Variants in MAST4 observed in about 807,000 individuals in gnomAD.
The protein encoded by MAST4 is microtubule-associated serine/threonine-protein kinase 4.
A neutral mutation model predicts 162.7 loss-of-function variants in MAST4; 89 were observed. That is an observed-to-expected ratio of 0.55 (90% CI 0.46 to 0.65). The LOEUF is 0.65. Among genes scored for constraint, MAST4 ranks in the 30% least tolerant of loss-of-function variants. The probability of loss-of-function intolerance (pLI) is 0.00; values close to 1 mark genes in which losing one functional copy is unlikely to be tolerated. For synonymous variants in MAST4, 1,479 were observed against 1,361.1 expected, an observed-to-expected ratio of 1.09 and a Z score of -1.91; for missense variants, 3,153 against 3,374.0, an observed-to-expected ratio of 0.93 and a Z score of 1.62.
intron 4 of MAST4, among the ~76,000 whole-genome samples, chr5:67,016,185 T>A (rs954909494): frequency 1.3e-5 from 2 of 152,280 alleles, no homozygotes; most frequent in Admixed American, 6.5e-5. Flanking sequence ...CAGTTTGATA[T>A]AGTCTCATTT....
intron 1 of MAST4, among the ~76,000 whole-genome samples, chr5:66,750,719 A>C (rs11741824): frequency 6.4e-4 from 97 of 152,024 alleles, no homozygotes; most frequent in Non-Finnish European, 1.0e-3. Context: ...AGGCTGGGGG[A>C]GGGGCACCCG....
intron 5 of MAST4, among the ~76,000 whole-genome samples, chr5:67,083,355 G>A (rs1477550499): frequency 6.6e-6 from 1 of 152,034 alleles, no homozygotes; most frequent in African/African-American, 2.4e-5. Flanking sequence ...GTTAAATGGG[G>A]CCACATTAAA....
chr5:66,607,060 C>G (rs1230675779), intron 1 of MAST4, among the ~76,000 whole-genome samples: 1 of 152,056 alleles, frequency 6.6e-6, no homozygotes, highest in Admixed American at 6.5e-5. Flanking sequence ...CATGTTACAG[C>G]TAAGTGACCC....
chr5:66,660,675 A>T (rs1456907088), intron 1 of MAST4, among the ~76,000 whole-genome samples: 1 of 152,230 alleles, frequency 6.6e-6, no homozygotes, highest in Non-Finnish European at 1.5e-5. Flanking sequence ...TTCATTTACA[A>T]GTCAGTAGTT....
At chr5:66,975,840 CA>C (rs2150218111) in intron 4 of MAST4, among the ~76,000 whole-genome samples, 1 of 152,182 alleles carries the variant, frequency 6.6e-6, no homozygotes, top group East Asian at 1.9e-4. Context: ...ACTAAAAATA[CA>C]AAAATTAGCT....
intron 2 of MAST4, among the ~76,000 whole-genome samples, chr5:66,787,028 A>G (rs1755151442): frequency 6.6e-6 from 1 of 152,242 alleles, no homozygotes; most frequent in Non-Finnish European, 1.5e-5. Flanking sequence ...TAGTGGTTTT[A>G]TCTGGTGTGA....
intron 4 of MAST4, among the ~76,000 whole-genome samples, chr5:66,907,941 C>T (rs939481509): frequency 6.6e-6 from 1 of 151,802 alleles, no homozygotes; most frequent in Non-Finnish European, 1.5e-5. Context: ...CCTCCCACCC[C>T]CACAAATATT....
chr5:66,734,273 C>T (rs1332812155), intron 1 of MAST4, among the ~76,000 whole-genome samples: 2 of 152,042 alleles, frequency 1.3e-5, no homozygotes, highest in Non-Finnish European at 2.9e-5. Flanking sequence ...TTGTGGGCAC[C>T]AAGTCAGATA....
At chr5:67,152,473 T>C (rs1771950311) in intron 24 of MAST4, among the ~76,000 whole-genome samples, 164 bp from the exon 25 acceptor site, 1 of 152,244 alleles carries the variant, frequency 6.6e-6, no homozygotes, top group Non-Finnish European at 1.5e-5. Flanking sequence ...TAGTTACTGA[T>C]AGAAACATTT....
At chr5:66,880,591 G>A (rs763073633) in intron 3 of MAST4, among the ~76,000 whole-genome samples, 6 of 152,106 alleles carry the variant, frequency 3.9e-5, no homozygotes, top group Non-Finnish European at 5.9e-5. Context: ...AACAATGGAC[G>A]TTTGAGGACA....
At chr5:66,813,504 T>C (rs1176912934) in intron 3 of MAST4, among the ~76,000 whole-genome samples, 1 of 152,244 alleles carries the variant, frequency 6.6e-6, no homozygotes, top group Admixed American at 6.5e-5. Context: ...TTCAGTTGCC[T>C]TTCTTGTACT....
intron 3 of MAST4, among the ~76,000 whole-genome samples, chr5:66,793,881 G>A (rs1046288172): frequency 5.3e-5 from 8 of 152,046 alleles, no homozygotes; most frequent in Middle Eastern, 3.4e-3. Flanking sequence ...ATACCATATC[G>A]TTTGCTTATT....
chr5:66,872,624 C>T (rs1761022498), intron 3 of MAST4, among the ~76,000 whole-genome samples: 2 of 152,268 alleles, frequency 1.3e-5, no homozygotes, highest in South Asian at 2.1e-4. Context: ...TCAGTAGCAT[C>T]GAGGTGAAGT....
intron 1 of MAST4, 50 bp downstream of exon 1, chr5:66,597,068 C>G: frequency 7.3e-7 from 1 of 1,362,100 alleles, no homozygotes. Flanking sequence ...GCCGGGCGAC[C>G]GTAGTTTCCC....
At chr5:67,073,021 ATG>A (rs1761163648) in intron 5 of MAST4, among the ~76,000 whole-genome samples, 1 of 152,226 alleles carries the variant, frequency 6.6e-6, no homozygotes, top group Non-Finnish European at 1.5e-5. Context: ...GAGTATGTAT[ATG>A]TGTGTTTAAC....
Position 67,165,734 on chromosome 5 carries a change from G to T in MAST4, c.6555G>T (p.Ala2185=), listed in dbSNP as rs774104432. ...AGGACCCTCCCAAGCCTGTTGCTGC[G>T]CACAGTGAAAGCAGCAGCCACAAGC... ...SPQDPPKPVA[A]HSESSSHKPR... is the part of the protein sequence containing the mutation. The change falls in exon 29 of 29, where the codon GCG becomes GCT. Residue 2185 remains alanine, a synonymous_variant. Coordinates refer to ENST00000403625, the MANE Select transcript of MAST4 (RefSeq NM_001164664.2). The T allele has an allele frequency of 1.9e-6, 3 of 1,578,002 alleles. No homozygotes were observed. The highest frequency in any genetic ancestry group is 1.9e-5 in the Admixed American group (1 of 53,658).
At chr5:66,844,127 G>A (rs1561374534) in intron 3 of MAST4, among the ~76,000 whole-genome samples, 1 of 145,522 alleles carries the variant, frequency 6.9e-6, no homozygotes, top group African/African-American at 2.6e-5. Context: ...TTAACAGCTG[G>A]TCCCAGTCAG....
intron 1 of MAST4, among the ~76,000 whole-genome samples, chr5:66,685,850 G>C (rs1473136446): frequency 6.6e-6 from 1 of 152,166 alleles, no homozygotes; most frequent in African/African-American, 2.4e-5. Flanking sequence ...AACCAGTTTT[G>C]TGGAAGACAG....
At chr5:66,899,229 G>T (rs1224337505) in intron 3 of MAST4, among the ~76,000 whole-genome samples, 1 of 152,048 alleles carries the variant, frequency 6.6e-6, no homozygotes, top group African/African-American at 2.4e-5. Context: ...TGGTTGGCTT[G>T]TTTTCTTGGG....
Sources: gnomAD v4.1 joint callset for allele counts (sites outside exome capture counted in the v4.1 genomes callset) on GRCh38, gnomAD v4.1.1 for gene constraint, MANE v1.5 for transcripts, NCBI Gene and HGNC (gene_info 2026-07-23, HGNC 2026-07-21) for gene names.